The following PSMA8 variants were observed in gnomAD, a reference collection of about 807,000 sequenced individuals.
The protein encoded by PSMA8 is proteasome 20S subunit alpha 8.
In PSMA8, 18 loss-of-function variants were observed where a neutral mutation model predicts 32.4. The ratio of observed to expected loss-of-function variants is 0.56; its 90% CI spans 0.38 to 0.82. The LOEUF (loss-of-function observed/expected upper bound fraction) is 0.82, where lower values mean the gene tolerates loss of function less well. PSMA8 is among the 40% of genes least tolerant of loss of function. PSMA8 has a pLI of 0.00. For missense variants in PSMA8, 298 were observed against 300.7 expected, an observed-to-expected ratio of 0.99 and a Z score of 0.07; for synonymous variants, 104 against 98.1, an observed-to-expected ratio of 1.06 and a Z score of -0.36.
chr18:26,174,486 A>G (rs1300498468), intron 4 of PSMA8, among the ~76,000 whole-genome samples: 1 of 152,250 alleles, frequency 6.6e-6, no homozygotes, highest in Non-Finnish European at 1.5e-5. Context: ...GTTTTTAAAT[A>G]AAATTAGCTC....
At chr18:26,167,138 A>G (rs944205204) in intron 4 of PSMA8, among the ~76,000 whole-genome samples, 3 of 152,242 alleles carry the variant, frequency 2.0e-5, no homozygotes, top group Non-Finnish European at 4.4e-5. Context: ...CAAGAGACTA[A>G]TATAACAGTA....
Position 26,179,380 on chromosome 18 carries a change from C to T in PSMA8, c.660+250C>T, listed in dbSNP as rs115377757. Among the ~76,000 whole-genome samples, 788 of 151,952 alleles carry T rather than the reference C, an allele frequency of 5.2e-3. 6 individuals are homozygous for T. Among genetic ancestry groups the T allele is most frequent in the African/African-American group, 0.018 (744 of 41,430 alleles). ...AACTCCTAGAATCAAGCGATCAGCC[C>T]GCCTTGGCCTCCAGTGCTGGGATTA... On this transcript the variant is annotated intron_variant, in intron 6 of 6. Transcript: ENST00000415576.
rs45536431 is a variant in PSMA8, at chr18:26,134,654, G to A, written c.102+587G>A. ...TTAAAAACACAGTTCAAACACACGC[G>A]TTAAAAATATCCCAAAATTGCTGGG... On this transcript the variant is annotated intron_variant, in intron 1 of 6. Transcript: ENST00000415576. Among the ~76,000 whole-genome samples the A allele has an allele frequency of 9.6e-3, 1,463 of 152,194 alleles. 17 individuals carry two copies. Among genetic ancestry groups the A allele is most frequent in the Non-Finnish European group, 0.012 (815 of 67,998 alleles).
chr18:26,139,967 C>A (rs879567830), intron 1 of PSMA8: 17 of 685,878 alleles, frequency 2.5e-5, no homozygotes, highest in Non-Finnish European at 4.2e-5. Context: ...GCTTACTGAG[C>A]TTTTAAAAGA....
In PSMA8 at chr18:26,158,173, G is replaced by A. The variant is rs2055105943; in HGVS notation, c.406G>A (p.Val136Ile). Residue 136 changes from valine (V) to isoleucine (I), a missense_variant, in exon 4 of 7, where the codon GTA (valine) becomes ATA (isoleucine). Physicochemically the swap from Val to Ile is conservative, Grantham distance 29. Transcript: ENST00000415576. ...ACCTTTTGGTATTTCTGCCTTAATTGTAGGTTTTGATGATGATGGTATCTC... is the reference window on the plus strand; with the variant it reads ...ACCTTTTGGTATTTCTGCCTTAATTATAGGTTTTGATGATGATGGTATCTC... ...RRPFGISALI[V>I]GFDDDGISRL... The A allele has an allele frequency of 6.2e-7, 1 of 1,606,994 alleles. No homozygotes were observed. Among genetic ancestry groups the A allele is most frequent in the Non-Finnish European group, 8.5e-7 (1 of 1,174,266 alleles).
Position 26,183,113 on chromosome 18 carries a change from C to T in PSMA8, c.660+3983C>T, listed in dbSNP as rs1434923294. ...TCTCAAAAAAAACAAACAAAAAGGC[C>T]GGGCGTGGTGGCTCATGCTTGTAAT... On this transcript the variant is annotated intron_variant, in intron 6 of 6. Transcript: ENST00000415576. 4.1e-5 allele frequency among the ~76,000 whole-genome samples: 6 copies of T among 145,716 alleles called. No individual in the cohort carries two copies. In the East Asian group the frequency reaches 8.4e-4, roughly 20 times the overall value.
At chr18:26,141,713 C>CTTTTTTTTTTTTTTT (rs1011733993) in intron 1 of PSMA8, among the ~76,000 whole-genome samples, 6 of 109,994 alleles carry the variant, frequency 5.5e-5, no homozygotes, top group South Asian at 3.0e-4. Flanking sequence ...TTTCTTTTTT[C>CTTTTTTTTTTTTTTT]TTTTTTTTTT....
At chr18:26,135,734 A>G (rs2054906272) in intron 1 of PSMA8, among the ~76,000 whole-genome samples, 1 of 152,178 alleles carries the variant, frequency 6.6e-6, no homozygotes, top group African/African-American at 2.4e-5. Context: ...AAGAAACCAC[A>G]TTGGCTCATT....
intron 2 of PSMA8, among the ~76,000 whole-genome samples, chr18:26,148,610 A>G (rs2055022117): frequency 6.6e-6 from 1 of 152,176 alleles, no homozygotes; most frequent in South Asian, 2.1e-4. Context: ...CAGGAACAAG[A>G]TAAAGATGCC....
chr18:26,161,389 T>G (rs1282805560), intron 4 of PSMA8, among the ~76,000 whole-genome samples: 1 of 152,238 alleles, frequency 6.6e-6, no homozygotes, highest in African/African-American at 2.4e-5. Flanking sequence ...CCCTGTAAGA[T>G]GTCACACAGC....
intron 3 of PSMA8, 99 bp from the exon 4 acceptor site, chr18:26,158,023 A>G: frequency 1.3e-6 from 1 of 763,426 alleles, no homozygotes; most frequent in Non-Finnish European, 2.1e-6. Context: ...GTCGAATAAG[A>G]ATTAGGGAAG....
At chr18:26,174,001 C>T (rs764379951) in intron 4 of PSMA8, among the ~76,000 whole-genome samples, 8 of 151,872 alleles carry the variant, frequency 5.3e-5, no homozygotes, top group Non-Finnish European at 7.4e-5. Flanking sequence ...AATATTCTCT[C>T]CCTTTGAACT....
At chr18:26,141,248 T>A (rs1286598411) in intron 1 of PSMA8, among the ~76,000 whole-genome samples, 1 of 152,130 alleles carries the variant, frequency 6.6e-6, no homozygotes, top group African/African-American at 2.4e-5. Context: ...TAATATTTTT[T>A]CTTACTTGAT....
At chr18:26,171,362 A>G in intron 4 of PSMA8, 3 of 1,415,500 alleles carry the variant, frequency 2.1e-6, no homozygotes, top group Non-Finnish European at 9.8e-7. Context: ...AATTGTCGGT[A>G]TTTTGTTATG....
rs1443035346 is a variant in PSMA8, at chr18:26,178,892, A to C, written c.540A>C (p.Glu180Asp). The change falls in exon 5 of 7, where the codon GAA (glutamate) becomes GAC (aspartate). Residue 180 changes from glutamate (E) to aspartate (D), a missense_variant. Glu to Asp is a conservative substitution (Grantham distance 45). Transcript: ENST00000415576. Reference sequence around the variant, plus strand: ...AATTTCTAGAAAAGAATTACACAGAAGATGCCATAGCAAGTGACAGTGAAG... The same window carrying C: ...AATTTCTAGAAAAGAATTACACAGACGATGCCATAGCAAGTGACAGTGAAG... Reference protein sequence around the residue: ...VREFLEKNYTEDAIASDSEAI... With the variant: ...VREFLEKNYTDDAIASDSEAI... 6 of 1,613,900 alleles carry C rather than the reference A, an allele frequency of 3.7e-6. No homozygotes were observed. Among genetic ancestry groups the C allele is most frequent in the Non-Finnish European group, 5.1e-6 (6 of 1,179,830 alleles).
chr18:26,187,218 C>T (rs1046636517), intron 6 of PSMA8, among the ~76,000 whole-genome samples: 16 of 152,052 alleles, frequency 1.1e-4, no homozygotes, highest in African/African-American at 3.4e-4. Context: ...TGATGGTGTG[C>T]GCCTGTTGTC....
Position 26,144,266 on chromosome 18 carries a change from C to T in PSMA8, c.103-293C>T, listed in dbSNP as rs563285966. Among the ~76,000 whole-genome samples the T allele has an allele frequency of 2.0e-4, 30 of 152,084 alleles. No individual in the cohort carries two copies. The South Asian group carries it at 5.0e-3, about 25-fold the overall frequency. ...CCTGTCAATGACATTGAGAACTTAC[C>T]GTATTTAGATAGTGCTTTTTTCAGG... On this transcript the variant is annotated intron_variant, in intron 1 of 6. Transcript: ENST00000415576.
intron 1 of PSMA8, among the ~76,000 whole-genome samples, chr18:26,144,225 T>C (rs1207961097): frequency 6.6e-6 from 1 of 152,194 alleles, no homozygotes; most frequent in African/African-American, 2.4e-5. Context: ...TTGCTTATAG[T>C]TGCAATTTTC....
At chr18:26,192,192 T>C (rs1176921207) in intron 6 of PSMA8, 127 bp from the exon 7 acceptor site, 1 of 854,158 alleles carries the variant, frequency 1.2e-6, no homozygotes, top group Non-Finnish European at 1.6e-6. Flanking sequence ...ATTGTATATT[T>C]GAAGTTACAA....
Sources: allele counts gnomAD v4.1 joint callset (sites outside exome capture counted in the v4.1 genomes callset), GRCh38; gene constraint gnomAD v4.1.1; transcripts MANE v1.5; gene names NCBI Gene and HGNC (gene_info 2026-07-23, HGNC 2026-07-21).